CMTM4: variants seen among roughly 807,000 people sequenced by gnomAD.
CMTM4 encodes the protein CKLF-like MARVEL transmembrane domain-containing protein 4.
In CMTM4, 8 loss-of-function variants were observed where a neutral mutation model predicts 19.0. The observed-to-expected ratio is 0.42, with a 90% CI of 0.25 to 0.76. CMTM4 has a LOEUF of 0.76. Among genes scored for constraint, CMTM4 ranks in the 30% least tolerant of loss-of-function variants. CMTM4 has a pLI of 0.27. For synonymous variants in CMTM4, 106 were observed against 121.1 expected (o/e 0.88, Z 0.82); for missense variants, 228 against 290.2 (o/e 0.79, Z 1.56).
chr16:66,694,803 T>C (rs1257415609), intron 1 of CMTM4, among the ~76,000 whole-genome samples: 2 of 150,712 alleles, frequency 1.3e-5, no homozygotes, highest in Non-Finnish European at 2.9e-5. Flanking sequence ...TAAAAACCAA[T>C]GCATCTTTGA....
chr16:66,696,541 G>T lies in CMTM4; in HGVS notation c.-16C>A. The T allele has an allele frequency of 8.5e-7, 1 of 1,178,554 alleles. No homozygotes were observed. Among genetic ancestry groups the T allele is most frequent in the Admixed American group, 4.6e-5 (1 of 21,642 alleles). The allele number at this position is 1,178,554 out of a possible 1,614,324, so 73.0% of individuals were successfully genotyped here. A position where few individuals can be genotyped will look rare whatever the true frequency, so the allele number is the denominator to read the frequency against. On this transcript the variant is annotated 5_prime_UTR_variant, in exon 1 of 4. Transcript: ENST00000394106. The surrounding 1 kb of genome is among the most constrained non-coding windows in gnomAD (Gnocchi z 4.3). ...CGCTCCGCATGCTGCCGCCCGGCCC[G>T]GGCCGCCTCGCGCGGCTGGCTCCCG...
At chr16:66,688,437 C>T (rs2017075270) in intron 1 of CMTM4, among the ~76,000 whole-genome samples, 1 of 152,006 alleles carries the variant, frequency 6.6e-6, no homozygotes, top group South Asian at 2.1e-4. Context: ...AGGAGATCTG[C>T]TTGTGGCCTG....
chr16:66,652,135 G>A (rs1408332954), intron 1 of CMTM4, among the ~76,000 whole-genome samples: 2 of 152,230 alleles, frequency 1.3e-5, no homozygotes, highest in Non-Finnish European at 2.9e-5. Flanking sequence ...GAGCCAAGAG[G>A]TGGAGGCAAG....
At chr16:66,643,126 G>C (rs1232425988) in intron 1 of CMTM4, among the ~76,000 whole-genome samples, 1 of 152,104 alleles carries the variant, frequency 6.6e-6, no homozygotes, top group African/African-American at 2.4e-5. Context: ...TCGTCATGTT[G>C]GTCAGGCTGG....
Position 66,618,829 on chromosome 16 carries a change from A to G in CMTM4, c.*3229T>C. ...GGTCAGACACATTCCCTGGCTGCCCACAGGCGTGAGCCTTCCTGCCAGGGG... is the reference window on the plus strand; with the variant it reads ...GGTCAGACACATTCCCTGGCTGCCCGCAGGCGTGAGCCTTCCTGCCAGGGG... On this transcript the variant is annotated 3_prime_UTR_variant, in exon 4 of 4. Transcript: ENST00000394106. 1 of 985,520 alleles carries G rather than the reference A, an allele frequency of 1.0e-6. No individual in the cohort carries two copies. Among genetic ancestry groups the G allele is most frequent in the Non-Finnish European group, 1.2e-6 (1 of 829,960 alleles). 61.0% of individuals were successfully genotyped at this position (985,520 alleles called of 1,614,324 possible). A position where few individuals can be genotyped will look rare whatever the true frequency, so the allele number is the denominator to read the frequency against.
intron 2 of CMTM4, among the ~76,000 whole-genome samples, chr16:66,631,073 T>C (rs1274525720): frequency 1.3e-5 from 2 of 150,240 alleles, no homozygotes; most frequent in African/African-American, 4.9e-5. Context: ...GGCCACCCCA[T>C]CTGAGAAGTG....
intron 1 of CMTM4, among the ~76,000 whole-genome samples, chr16:66,683,123 GTGTGTGTATATATATATATATA>G (rs2016946174): frequency 1.5e-5 from 2 of 130,876 alleles, no homozygotes; most frequent in South Asian, 5.0e-4. Context: ...GTGTGTGTGT[GTGTGTGTATATATATATATATA>G]TGTATATATA....
chr16:66,695,952 C>G (rs951933381), intron 1 of CMTM4, among the ~76,000 whole-genome samples: 2 of 152,186 alleles, frequency 1.3e-5, no homozygotes, highest in Admixed American at 6.5e-5. Context: ...AGGCACCGTC[C>G]GGAGGTTGCG....
At chr16:66,631,430 T>C (rs2015868407) in intron 2 of CMTM4, among the ~76,000 whole-genome samples, 1 of 152,062 alleles carries the variant, frequency 6.6e-6, no homozygotes. Flanking sequence ...CAGGGAGGTG[T>C]ACCCAACAGC....
At chr16:66,665,262 TAAAAAAAA>T (rs71145929) in intron 1 of CMTM4, among the ~76,000 whole-genome samples, 25 of 59,710 alleles carry the variant, frequency 4.2e-4, no homozygotes, top group South Asian at 6.4e-4. Flanking sequence ...CCCTGTTTCT[TAAAAAAAA>T]AAAAAAAAAA....
the CMTM4 span, among the ~76,000 whole-genome samples, chr16:66,598,768 T>A: frequency 1.3e-5 from 2 of 152,126 alleles, no homozygotes; most frequent in African/African-American, 4.8e-5. Context: ...TCTTGCTGAG[T>A]AGTATTCCAT....
At chr16:66,608,032 G>A in the CMTM4 span, among the ~76,000 whole-genome samples, 1 of 152,144 alleles carries the variant, frequency 6.6e-6, no homozygotes, top group Non-Finnish European at 1.5e-5. The surrounding 1 kb of genome is among the most constrained non-coding windows in gnomAD (Gnocchi z 5.1). Context: ...ATTTTGCCGA[G>A]ATGAGGTTTT....
At chr16:66,625,902 G>A (rs1020174848) in intron 2 of CMTM4, among the ~76,000 whole-genome samples, 1 of 152,220 alleles carries the variant, frequency 6.6e-6, no homozygotes, top group Non-Finnish European at 1.5e-5. Context: ...CAATTCGAGT[G>A]CTCAGTGGCC....
intron 1 of CMTM4, among the ~76,000 whole-genome samples, chr16:66,672,640 T>C (rs2016730290): frequency 1.3e-5 from 2 of 152,000 alleles, no homozygotes; most frequent in African/African-American, 2.4e-5. Flanking sequence ...ACTTTTGTTT[T>C]TTTTGAGATG....
At chr16:66,639,402 T>C (rs1196444871) in intron 1 of CMTM4, among the ~76,000 whole-genome samples, 1 of 152,218 alleles carries the variant, frequency 6.6e-6, no homozygotes, top group Non-Finnish European at 1.5e-5. Flanking sequence ...AATAGACCAT[T>C]TGTTGTGGCA....
At chr16:66,639,760 G>A (rs1268097711) in intron 1 of CMTM4, among the ~76,000 whole-genome samples, 1 of 152,138 alleles carries the variant, frequency 6.6e-6, no homozygotes, top group Non-Finnish European at 1.5e-5. Flanking sequence ...GCACATGCCT[G>A]TAATCCCAGC....
the CMTM4 span, among the ~76,000 whole-genome samples, chr16:66,601,017 G>A: frequency 6.6e-6 from 1 of 152,046 alleles, no homozygotes; most frequent in Non-Finnish European, 1.5e-5. Flanking sequence ...GGGGAGGGAA[G>A]CACAGCAAAG....
chr16:66,629,855 G>A (rs975731535), intron 2 of CMTM4, among the ~76,000 whole-genome samples: 3 of 152,206 alleles, frequency 2.0e-5, no homozygotes, highest in African/African-American at 7.2e-5. Flanking sequence ...GCTTCTGAGT[G>A]GAGCTCATTC....
intron 1 of CMTM4, among the ~76,000 whole-genome samples, chr16:66,653,373 G>T (rs534789152): frequency 6.6e-6 from 1 of 150,930 alleles, no homozygotes; most frequent in African/African-American, 2.4e-5. Context: ...CACTACCCTG[G>T]CAACCCCCCA....
Sources: gnomAD v4.1 joint callset for allele counts (sites outside exome capture counted in the v4.1 genomes callset) on GRCh38, gnomAD v4.1.1 for gene constraint, Gnocchi (gnomAD v3.1) non-coding constraint, MANE v1.5 for transcripts, NCBI Gene and HGNC (gene_info 2026-07-23, HGNC 2026-07-21) for gene names.